The following NRXN3 variants were observed in gnomAD, a reference collection of about 807,000 sequenced individuals.
NRXN3 encodes the protein neurexin III.
A neutral mutation model predicts 137.6 loss-of-function variants in NRXN3; 32 were observed. That is an observed-to-expected ratio of 0.23 (90% CI 0.18 to 0.31). The LOEUF is 0.31. Ranked by LOEUF, NRXN3 falls within the 10% of genes least tolerant of loss-of-function variation. The pLI, the probability that NRXN3 is intolerant of heterozygous loss-of-function variation, is 1.00. For synonymous variants in NRXN3, 798 were observed against 784.5 expected (o/e 1.02, Z -0.29); for missense variants, 1,574 against 2,062.5 (o/e 0.76, Z 4.59).
intron 15 of NRXN3, among the ~76,000 whole-genome samples, chr14:79,044,803 G>A (rs2099630509): frequency 6.8e-6 from 1 of 148,072 alleles, no homozygotes; most frequent in Non-Finnish European, 1.5e-5. Flanking sequence ...CCAAATCCGG[G>A]GCTTTCTGAT....
At chr14:79,690,718 T>C (rs2154024506) in intron 17 of NRXN3, among the ~76,000 whole-genome samples, 1 of 152,134 alleles carries the variant, frequency 6.6e-6, no homozygotes, top group African/African-American at 2.4e-5. Context: ...CCGTTTCCTA[T>C]CCTATACCCC....
intron 15 of NRXN3, among the ~76,000 whole-genome samples, chr14:79,165,620 A>C (rs937220216): frequency 6.6e-6 from 1 of 152,008 alleles, no homozygotes; most frequent in East Asian, 1.9e-4. Flanking sequence ...CTGCATAAGA[A>C]ATTTCTCCTT....
intron 15 of NRXN3, among the ~76,000 whole-genome samples, chr14:79,358,577 A>C (rs1417368447): frequency 2.2e-5 from 3 of 135,010 alleles, no homozygotes; most frequent in African/African-American, 8.1e-5. Flanking sequence ...AAAAAAAAGA[A>C]AGAAAGAGAG....
chr14:78,465,675 C>A (rs1021274043), intron 4 of NRXN3, among the ~76,000 whole-genome samples: 3 of 151,640 alleles, frequency 2.0e-5, no homozygotes, highest in Non-Finnish European at 4.4e-5. Flanking sequence ...GTAGCTGGGA[C>A]AGGCATGCAC....
intron 15 of NRXN3, among the ~76,000 whole-genome samples, chr14:79,267,556 C>A (rs1418627983): frequency 6.6e-6 from 1 of 151,912 alleles, no homozygotes; most frequent in East Asian, 1.9e-4. Flanking sequence ...GGGGGTTTCA[C>A]CATGTTGGCC....
intron 16 of NRXN3, among the ~76,000 whole-genome samples, chr14:79,618,898 G>A (rs759779824): frequency 1.1e-4 from 17 of 151,826 alleles, no homozygotes; most frequent in Non-Finnish European, 2.1e-4. Flanking sequence ...AGTAATAGCC[G>A]TTCTGACTGG....
intron 8 of NRXN3, among the ~76,000 whole-genome samples, chr14:78,758,975 G>A (rs1332702001): frequency 6.6e-6 from 1 of 152,180 alleles, no homozygotes; most frequent in African/African-American, 2.4e-5. Context: ...CAGCAATGCT[G>A]GCTCAGGAAA....
chr14:79,697,319 T>A (rs1401179368), intron 18 of NRXN3, among the ~76,000 whole-genome samples: 1 of 152,022 alleles, frequency 6.6e-6, no homozygotes, highest in Non-Finnish European at 1.5e-5. Flanking sequence ...TGTTTCTTTC[T>A]GTCATCCTCA....
chr14:78,296,835 T>G (rs2076391391), intron 3 of NRXN3, among the ~76,000 whole-genome samples: 1 of 152,204 alleles, frequency 6.6e-6, no homozygotes, highest in South Asian at 2.1e-4. Flanking sequence ...TTTTCCTTTA[T>G]TAATCCCCTA....
intron 15 of NRXN3, among the ~76,000 whole-genome samples, chr14:79,342,754 A>G (rs2092676017): frequency 6.6e-6 from 1 of 152,152 alleles, no homozygotes; most frequent in Non-Finnish European, 1.5e-5. Flanking sequence ...CAATAAAACC[A>G]AGTCACTGAC....
intron 15 of NRXN3, among the ~76,000 whole-genome samples, chr14:79,095,558 A>G (rs1568274066): frequency 6.7e-6 from 1 of 150,184 alleles, no homozygotes; most frequent in African/African-American, 2.4e-5. Flanking sequence ...AGCACCTACT[A>G]TTTTTTTTTT....
chr14:79,595,594 A>G (rs10141349), intron 16 of NRXN3, among the ~76,000 whole-genome samples: 39,109 of 152,012 alleles, frequency 0.26, 5,191 homozygotes, highest in Middle Eastern at 0.39. Flanking sequence ...ATAAAACTAT[A>G]TTTCACCTAA....
intron 19 of NRXN3, among the ~76,000 whole-genome samples, chr14:79,733,596 C>G (rs1174724026): frequency 6.6e-6 from 1 of 151,878 alleles, no homozygotes; most frequent in East Asian, 1.9e-4. Context: ...CAGGAAAATG[C>G]TGAATTCACC....
intron 15 of NRXN3, among the ~76,000 whole-genome samples, chr14:79,456,977 C>CTG (rs2096266635): frequency 6.6e-6 from 1 of 151,090 alleles, no homozygotes; most frequent in Non-Finnish European, 1.5e-5. Context: ...GCCACGGCAG[C>CTG]TGTGTGTCTC....
At chr14:78,496,214 AC>A (rs2095782343) in intron 4 of NRXN3, among the ~76,000 whole-genome samples, 1 of 152,218 alleles carries the variant, frequency 6.6e-6, no homozygotes. Flanking sequence ...TCAACATTAT[AC>A]AGTGAAAGCC....
chr14:79,441,667 A>G (rs2095960783), intron 15 of NRXN3, among the ~76,000 whole-genome samples: 1 of 152,060 alleles, frequency 6.6e-6, no homozygotes, highest in Admixed American at 6.5e-5. Context: ...GGCGTGAGCC[A>G]CCACACCCGA....
Position 78,281,546 on chromosome 14 carries a change from G to A in NRXN3, c.727+2884G>A, listed in dbSNP as rs59874034. 9.3e-3 allele frequency among the ~76,000 whole-genome samples: 1,422 copies of A among 152,206 alleles called. 19 individuals are homozygous for A. Among genetic ancestry groups the A allele is most frequent in the African/African-American group, 0.032 (1,344 of 41,536 alleles). ...TTGGAGCAAGAGCCCAGGGCACCCA[G>A]GAAAAAGGGGCAGGCACATTTTCTT... On this transcript the variant is annotated intron_variant, in intron 3 of 20. Transcript: ENST00000335750.
chr14:79,376,156 T>C (rs2094273974), intron 15 of NRXN3, among the ~76,000 whole-genome samples: 1 of 145,632 alleles, frequency 6.9e-6, no homozygotes, highest in Admixed American at 6.9e-5. Flanking sequence ...GGTATATATG[T>C]GTATATATGC....
intron 19 of NRXN3, among the ~76,000 whole-genome samples, chr14:79,797,332 A>G (rs948743123): frequency 1.3e-5 from 2 of 152,168 alleles, no homozygotes; most frequent in African/African-American, 2.4e-5. Context: ...TAGAGGGAAG[A>G]GGGGAAAGTA....
Sources: allele counts gnomAD v4.1 joint callset (sites outside exome capture counted in the v4.1 genomes callset), GRCh38; gene constraint gnomAD v4.1.1; transcripts MANE v1.5; gene names NCBI Gene and HGNC (gene_info 2026-07-23, HGNC 2026-07-21).